The following TPR variants were observed in gnomAD, a reference collection of about 807,000 sequenced individuals.
The protein encoded by TPR is translocated promoter region, nuclear basket protein, also known as nucleoprotein TPR.
Under a neutral mutation model 316.1 loss-of-function variants are expected in TPR, and 51 were observed. The observed-to-expected ratio is 0.16, with a 90% CI of 0.13 to 0.20. The LOEUF (loss-of-function observed/expected upper bound fraction) is 0.20. Ranked by LOEUF, TPR falls within the 10% of genes least tolerant of loss-of-function variation. The pLI, the probability that TPR is intolerant of heterozygous loss-of-function variation, is 1.00. For missense variants in TPR, 2,272 were observed against 2,754.8 expected, an observed-to-expected ratio of 0.82 and a Z score of 3.92; for synonymous variants, 981 against 914.7, an observed-to-expected ratio of 1.07 and a Z score of -1.31.
Position 186,313,582 on chromosome 1 carries a change from G to T in TPR, c.*389C>A. 1 of 759,688 alleles carries T rather than the reference G, an allele frequency of 1.3e-6. No individual in the cohort carries two copies. The highest frequency in any genetic ancestry group is 1.5e-5 in the South Asian group (1 of 65,250). The allele number at this position is 759,688 out of a possible 1,614,324, so 47.1% of individuals were successfully genotyped here. A position where few individuals can be genotyped will look rare whatever the true frequency, so the allele number is the denominator to read the frequency against. ...TTAGTAAAAACATCTCTATTAAAATGATAAACATTGTCTTTGAGCATAATA... is the reference window on the plus strand; with the variant it reads ...TTAGTAAAAACATCTCTATTAAAATTATAAACATTGTCTTTGAGCATAATA... On this transcript the variant is annotated 3_prime_UTR_variant, in exon 51 of 51. Coordinates refer to ENST00000367478, the MANE Select transcript of TPR (RefSeq NM_003292.3).
At chr1:186,366,441 A>G (rs774688115) in intron 4 of TPR, among the ~76,000 whole-genome samples, 4 of 152,190 alleles carry the variant, frequency 2.6e-5, no homozygotes, top group Non-Finnish European at 5.9e-5. Flanking sequence ...TCTACTGTGT[A>G]TGTTATTGGT....
Position 186,343,316 on chromosome 1 carries a change from G to GTA in TPR, c.3750+8_3750+9dup. On this transcript the variant is annotated intron_variant, in intron 27 of 50. Coordinates refer to ENST00000367478, the MANE Select transcript of TPR (RefSeq NM_003292.3). Reference sequence around the variant, plus strand: ...TTAACAAGTGCTTTCTTAAAGCTTAGTATACCTACCTGGACTTTCTCCCTT... The same window carrying GTA: ...TTAACAAGTGCTTTCTTAAAGCTTAGTATATACCTACCTGGACTTTCTCCCTT... 1 of 1,609,242 alleles carries GTA rather than the reference G, an allele frequency of 6.2e-7. No homozygotes were observed. The highest frequency in any genetic ancestry group is 8.5e-7 in the Non-Finnish European group (1 of 1,178,728).
rs747719224 is a variant in TPR at position 186,355,752 on chromosome 1, A to T, written c.1905T>A (p.Asp635Glu). Residue 635 changes from aspartate (D) to glutamate (E), a missense_variant, in exon 16 of 51, where the codon GAT (aspartate) becomes GAA (glutamate). By Grantham distance (45) the Asp-to-Glu change is conservative (BLOSUM62 2). Transcript: ENST00000367478. Reference protein sequence around the residue: ...AIPLHASSLDDVSLASTPKRP... With the variant: ...AIPLHASSLDEVSLASTPKRP... ...GTTTTGGAGTTGATGCAAGAGAAAC[A>T]TCATCTAAGCTTGAAGCTTCAGGAA... 1.2e-6 allele frequency: 2 copies of T among 1,614,050 alleles called. No homozygotes were observed. Among genetic ancestry groups the T allele is most frequent in the South Asian group, 2.2e-5 (2 of 91,076 alleles).
chr1:186,368,043 T>C, intron 3 of TPR, 61 bp from the exon 4 acceptor site: 3 of 1,228,936 alleles, frequency 2.4e-6, no homozygotes, highest in East Asian at 2.4e-5. Context: ...AAAGCGAACA[T>C]AGAATTGTCA....
At chr1:186,346,060 G>T in intron 23 of TPR, 75 bp downstream of exon 23, 1 of 1,442,410 alleles carries the variant, frequency 6.9e-7, no homozygotes, top group Non-Finnish European at 9.3e-7. Context: ...GAACTAAATG[G>T]CAACTAATGA....
intron 21 of TPR, among the ~76,000 whole-genome samples, chr1:186,349,035 T>A (rs769358202): frequency 6.6e-6 from 1 of 152,212 alleles, no homozygotes; most frequent in Non-Finnish European, 1.5e-5. Context: ...CACATCCCGA[T>A]AAACTCATCA....
At chr1:186,343,785 CAAAT>C in intron 26 of TPR, 117 bp downstream of exon 26, 2 of 995,576 alleles carry the variant, frequency 2.0e-6, no homozygotes, top group East Asian at 2.7e-5. Context: ...AGTTCTTTGA[CAAAT>C]AAAAGAATGA....
Position 186,312,777 on chromosome 1 carries a change from C to T in TPR, c.*1194G>A, listed in dbSNP as rs750688165. 6.2e-7 allele frequency: 1 copy of T among 1,612,822 alleles called. No homozygotes were observed. The highest frequency in any genetic ancestry group is 1.3e-5 in the African/African-American group (1 of 74,870). ...AAACATGCCACTTACAGGTGTCCTT[C>T]ATAATGAAGTTAAAGTGAGTATACT... On this transcript the variant is annotated 3_prime_UTR_variant, in exon 51 of 51. Transcript: ENST00000367478.
At chr1:186,364,000 G>C (rs1659264804) in intron 4 of TPR, among the ~76,000 whole-genome samples, 1 of 152,094 alleles carries the variant, frequency 6.6e-6, no homozygotes, top group Non-Finnish European at 1.5e-5. Flanking sequence ...CAAGTGTTTT[G>C]AGTGTCTGTA....
rs1657981920 is a variant in TPR, at chr1:186,327,144, TAAA to T, written c.5889+313_5889+315del. Reference sequence around the variant, plus strand: ...ATATATAACATATATATTATATATATAAATATATATAAATATATAACATATATA... The same window carrying T: ...ATATATAACATATATATTATATATATTATATATAAATATATAACATATATA... On this transcript the variant is annotated intron_variant, in intron 40 of 50. Transcript: ENST00000367478. Among the ~76,000 whole-genome samples, 7 of 10,170 alleles carry T rather than the reference TAAA, an allele frequency of 6.9e-4. 1 individual carries two copies. Among genetic ancestry groups the T allele is most frequent in the Non-Finnish European group, 1.2e-3 (6 of 4,992 alleles). The allele number at this position is 10,170 out of a possible 152,430, so 6.7% of individuals were successfully genotyped here.
At chr1:186,344,120 G>T in intron 25 of TPR, 30 bp from the exon 26 acceptor site, 1 of 1,585,650 alleles carries the variant, frequency 6.3e-7, no homozygotes. Context: ...CAGAATAACA[G>T]ATTTTCCAAT....
chr1:186,346,445 C>G (rs1658678710), intron 22 of TPR, among the ~76,000 whole-genome samples, 158 bp from the exon 23 acceptor site: 1 of 152,106 alleles, frequency 6.6e-6, no homozygotes, highest in African/African-American at 2.4e-5. Flanking sequence ...GATTCAACAA[C>G]AAGCAAAAAC....
intron 18 of TPR, 113 bp downstream of exon 18, chr1:186,353,575 C>T (rs531015927): frequency 8.1e-7 from 1 of 1,230,796 alleles, no homozygotes; most frequent in Admixed American, 2.3e-5. Context: ...TTGGTGTAAC[C>T]TCCAAACTTC....
At chr1:186,322,849 A>G (rs2102053599) in intron 43 of TPR, 1 of 434,788 alleles carries the variant, frequency 2.3e-6, no homozygotes, top group African/African-American at 2.0e-5. Flanking sequence ...CAGATCTATG[A>G]TACCATCTTG....
intron 3 of TPR, among the ~76,000 whole-genome samples, chr1:186,369,796 G>A (rs560178027): frequency 6.6e-6 from 1 of 152,220 alleles, no homozygotes; most frequent in South Asian, 2.1e-4. Context: ...AGTGGTGAGT[G>A]GGCATCCCAG....
chr1:186,319,744 T>C (rs187519897), intron 46 of TPR, among the ~76,000 whole-genome samples: 38 of 152,320 alleles, frequency 2.5e-4, no homozygotes, highest in Non-Finnish European at 4.4e-4. Flanking sequence ...GAGGGTAATA[T>C]GAATTCCAAC....
chr1:186,370,746 C>A (rs3124814), intron 3 of TPR, among the ~76,000 whole-genome samples: 96,218 of 151,974 alleles, frequency 0.63, 30,541 homozygotes, highest in Non-Finnish European at 0.65. Flanking sequence ...GGACTACAGT[C>A]AGCATTCAAT....
At position 186,325,784 on chromosome 1, in the gene TPR, G is replaced by A. The variant is rs899521466; in HGVS notation, c.6092C>T (p.Ala2031Val). The change falls in exon 42 of 51, where the codon GCT becomes GTT. Residue 2031 changes from alanine to valine, a missense_variant. Ala to Val is a moderately conservative substitution (Grantham distance 64). Transcript: ENST00000367478. ...CTCACCACTGTTTTGAGAATCAGCA[G>A]CTCTGTGATTACCTTCACCTCCACC... Reference protein sequence around the residue: ...SMGGGEGNHRAADSQNSGEGN... With the variant: ...SMGGGEGNHRVADSQNSGEGN... 2 of 1,613,106 alleles carry A rather than the reference G, an allele frequency of 1.2e-6. No individual in the cohort carries two copies. The highest frequency in any genetic ancestry group is 8.5e-7 in the Non-Finnish European group (1 of 1,179,504).
intron 15 of TPR, 92 bp from the exon 16 acceptor site, chr1:186,355,860 TAAAC>T (rs1324772362): frequency 9.4e-6 from 13 of 1,385,578 alleles, no homozygotes; most frequent in East Asian, 2.3e-5. Flanking sequence ...TATTATCAAA[TAAAC>T]AAGCTAAACT....
Sources: gnomAD v4.1 joint callset for allele counts (sites outside exome capture counted in the v4.1 genomes callset) on GRCh38, gnomAD v4.1.1 for gene constraint, MANE v1.5 for transcripts, NCBI Gene and HGNC (gene_info 2026-07-23, HGNC 2026-07-21) for gene names.